The following C1orf21 variants were observed in gnomAD, a reference collection of about 807,000 sequenced individuals.
C1orf21 encodes the protein chromosome 1 open reading frame 21, also known as uncharacterized protein C1orf21.
In C1orf21, 3 loss-of-function variants were observed where a neutral mutation model predicts 18.7. The observed-to-expected ratio is 0.16, with a 90% CI of 0.07 to 0.42. The LOEUF (loss-of-function observed/expected upper bound fraction) is 0.42, where lower values mean the gene tolerates loss of function less well. Ranked by LOEUF, C1orf21 falls within the 10% of genes least tolerant of loss-of-function variation. The pLI is 0.99. For synonymous variants in C1orf21, 41 were observed against 46.4 expected, an observed-to-expected ratio of 0.88 and a Z score of 0.47; for missense variants, 104 against 143.6, an observed-to-expected ratio of 0.72 and a Z score of 1.41.
chr1:184,598,747 C>T (rs1659550161), intron 5 of C1orf21, among the ~76,000 whole-genome samples: 1 of 152,168 alleles, frequency 6.6e-6, no homozygotes, highest in Admixed American at 6.5e-5. Flanking sequence ...ATTCTGACCA[C>T]TGCATGTCAT....
chr1:184,588,560 C>T (rs1184975306), intron 3 of C1orf21, among the ~76,000 whole-genome samples: 1 of 152,146 alleles, frequency 6.6e-6, no homozygotes, highest in Non-Finnish European at 1.5e-5. Context: ...AAGTGCTTCA[C>T]CGCTGTATGC....
chr1:184,577,784 CAA>C (rs1659214157), intron 3 of C1orf21, among the ~76,000 whole-genome samples: 1 of 152,028 alleles, frequency 6.6e-6, no homozygotes, highest in South Asian at 2.1e-4. Flanking sequence ...GTTAAAATAT[CAA>C]AGACATGATG....
At chr1:184,497,652 T>C (rs1290905785) in intron 2 of C1orf21, among the ~76,000 whole-genome samples, 2 of 152,316 alleles carry the variant, frequency 1.3e-5, no homozygotes, top group South Asian at 2.1e-4. Flanking sequence ...TAAAAATTCA[T>C]TGGCAGTGCT....
intron 5 of C1orf21, among the ~76,000 whole-genome samples, chr1:184,616,953 C>T (rs1361978168): frequency 1.3e-5 from 2 of 152,124 alleles, no homozygotes; most frequent in African/African-American, 2.4e-5. Flanking sequence ...GGAAGAGTTC[C>T]CTGACACCTA....
chr1:184,505,765 AAAAC>A (rs1035583873), intron 2 of C1orf21, among the ~76,000 whole-genome samples: 7 of 152,172 alleles, frequency 4.6e-5, no homozygotes, highest in South Asian at 2.1e-4. Flanking sequence ...TCTGTCTGAA[AAAAC>A]AAACAAACAA....
intron 1 of C1orf21, among the ~76,000 whole-genome samples, chr1:184,427,894 C>G (rs1656666845): frequency 2.6e-5 from 4 of 152,160 alleles, no homozygotes. Flanking sequence ...TTGAACGACT[C>G]TTAAGTAAGG....
At chr1:184,577,189 T>C (rs1358647006) in intron 3 of C1orf21, among the ~76,000 whole-genome samples, 1 of 150,592 alleles carries the variant, frequency 6.6e-6, no homozygotes, top group East Asian at 1.9e-4. Flanking sequence ...GGACACAGTA[T>C]AATCACAAGG....
chr1:184,424,273 T>C (rs1158986072), intron 1 of C1orf21, among the ~76,000 whole-genome samples: 1 of 152,206 alleles, frequency 6.6e-6, no homozygotes, highest in Non-Finnish European at 1.5e-5. Flanking sequence ...TTAAGGACTT[T>C]TGGAGCTGAG....
At chr1:184,475,388 C>G (rs145519999) in intron 1 of C1orf21, among the ~76,000 whole-genome samples, 1 of 152,160 alleles carries the variant, frequency 6.6e-6, no homozygotes, top group Non-Finnish European at 1.5e-5. Context: ...CACAAATAGG[C>G]CATGCTCTTC....
chr1:184,548,224 C>CACAT (rs1228054288), intron 3 of C1orf21, among the ~76,000 whole-genome samples: 2 of 139,604 alleles, frequency 1.4e-5, no homozygotes, highest in Non-Finnish European at 3.0e-5. Context: ...AACACACACA[C>CACAT]ACACACACAC....
chr1:184,613,826 T>C (rs1659776549), intron 5 of C1orf21, among the ~76,000 whole-genome samples: 1 of 151,666 alleles, frequency 6.6e-6, no homozygotes, highest in Non-Finnish European at 1.5e-5. Context: ...AACATGATGG[T>C]GCGATGGAAG....
chr1:184,504,142 A>G (rs1288515704), intron 2 of C1orf21, among the ~76,000 whole-genome samples: 2 of 152,180 alleles, frequency 1.3e-5, no homozygotes, highest in East Asian at 1.9e-4. Flanking sequence ...CCCCAGATCT[A>G]TTTTGACTAG....
intron 3 of C1orf21, among the ~76,000 whole-genome samples, chr1:184,562,972 C>T (rs1658987351): frequency 6.6e-6 from 1 of 152,198 alleles, no homozygotes; most frequent in Non-Finnish European, 1.5e-5. Flanking sequence ...AAAGTTGTGT[C>T]AGTTCAGCAT....
chr1:184,596,234 A>G (rs1030790865), intron 4 of C1orf21, among the ~76,000 whole-genome samples: 2 of 152,220 alleles, frequency 1.3e-5, no homozygotes, highest in Admixed American at 6.5e-5. Flanking sequence ...AGTTAGTGAC[A>G]ATCATAGACA....
chr1:184,582,999 T>C (rs904704455), intron 3 of C1orf21, among the ~76,000 whole-genome samples: 5 of 152,072 alleles, frequency 3.3e-5, no homozygotes, highest in African/African-American at 9.7e-5. Context: ...TCACCATGCC[T>C]GGCTAAATTT....
At chr1:184,504,950 G>C (rs1658031759) in intron 2 of C1orf21, among the ~76,000 whole-genome samples, 1 of 152,254 alleles carries the variant, frequency 6.6e-6, no homozygotes, top group East Asian at 1.9e-4. Flanking sequence ...TTAGAATAAT[G>C]CTGCTTTGAA....
intron 5 of C1orf21, among the ~76,000 whole-genome samples, chr1:184,604,603 T>A (rs1385374393): frequency 6.6e-6 from 1 of 152,234 alleles, no homozygotes; most frequent in Non-Finnish European, 1.5e-5. Flanking sequence ...TTCAGCCAAA[T>A]TAGAGCTATA....
At chr1:184,460,587 ATCTGG>A (rs1303615442) in intron 1 of C1orf21, among the ~76,000 whole-genome samples, 1 of 151,522 alleles carries the variant, frequency 6.6e-6, no homozygotes, top group East Asian at 1.9e-4. Context: ...CTTGATAAGC[ATCTGG>A]AGTTGGGCTG....
At chr1:184,519,188 A>C (rs934981615) in intron 3 of C1orf21, among the ~76,000 whole-genome samples, 1 of 152,202 alleles carries the variant, frequency 6.6e-6, no homozygotes, top group Non-Finnish European at 1.5e-5. Flanking sequence ...GCATTGTTAT[A>C]AAATGTGATT....
Sources: allele counts gnomAD v4.1 joint callset (sites outside exome capture counted in the v4.1 genomes callset), GRCh38; gene constraint gnomAD v4.1.1; transcripts MANE v1.5; gene names NCBI Gene and HGNC (gene_info 2026-07-23, HGNC 2026-07-21).